The following ZNF721 variants were observed in gnomAD, a reference collection of about 807,000 sequenced individuals.
ZNF721 encodes zinc finger protein 721.
ZNF721 carries 2 observed loss-of-function variants against 2.4 expected under a neutral mutation model. The ratio of observed to expected loss-of-function variants is 0.82; its 90% CI spans 0.34 to 2.58. The LOEUF (loss-of-function observed/expected upper bound fraction) is 2.58, where lower values mean the gene tolerates loss of function less well. ZNF721 is among the 30% of genes most tolerant of loss of function. ZNF721 has a pLI of 0.11. For synonymous variants in ZNF721, 398 were observed against 381.8 expected (o/e 1.04, Z -0.50); for missense variants, 1,187 against 1,085.5 (o/e 1.09, Z -1.31).
In ZNF721 at chr4:498,959, C is replaced by G. The variant is rs139788885; in HGVS notation, c.-94+97G>C. 8,479 of 237,316 alleles carry G rather than the reference C, an allele frequency of 0.036. 230 individuals are homozygous for G. The highest frequency in any genetic ancestry group is 0.083 in the African/African-American group (3,524 of 42,470). 14.7% of individuals were successfully genotyped at this position (237,316 alleles called of 1,614,324 possible). A position where few individuals can be genotyped will look rare whatever the true frequency, so the allele number is the denominator to read the frequency against. On this transcript the variant is annotated intron_variant, in intron 1 of 2. Transcript: ENST00000511833. ...CAGGATAGTCTCGATCTCCTGACCT[C>G]GTGATCCGCCCGCCTCGGCCTCCCA... is the stretch of plus-strand genomic sequence containing the variant.
At chr4:462,087 T>A (rs782066356) in intron 2 of ZNF721, among the ~76,000 whole-genome samples, 1 of 152,092 alleles carries the variant, frequency 6.6e-6, no homozygotes, top group Non-Finnish European at 1.5e-5. Context: ...TTTGTAAAAA[T>A]CACAACATTC....
At chr4:456,384 T>C (rs1276610459) in intron 2 of ZNF721, among the ~76,000 whole-genome samples, 2 of 151,850 alleles carry the variant, frequency 1.3e-5, no homozygotes, top group African/African-American at 4.9e-5. Context: ...AAAAAAATAA[T>C]TTATAAACCA....
At chr4:465,728 C>T (rs1715226812) in intron 2 of ZNF721, among the ~76,000 whole-genome samples, 1 of 151,524 alleles carries the variant, frequency 6.6e-6, no homozygotes, top group Admixed American at 6.6e-5. Context: ...GCCACTGTGC[C>T]TGGCCAAGCT....
intron 1 of ZNF721, among the ~76,000 whole-genome samples, chr4:493,955 T>C (rs996696844): frequency 2.0e-5 from 3 of 152,194 alleles, no homozygotes; most frequent in Admixed American, 6.5e-5. Flanking sequence ...TAATATTACT[T>C]TGCCAATAAT....
intron 1 of ZNF721, among the ~76,000 whole-genome samples, chr4:475,170 G>A (rs551082254): frequency 6.6e-6 from 1 of 151,662 alleles, no homozygotes; most frequent in African/African-American, 2.4e-5. Flanking sequence ...CTGGGTGACA[G>A]AGCCAGACTC....
chr4:488,694 G>A (rs1169233969), intron 1 of ZNF721, among the ~76,000 whole-genome samples: 4 of 152,058 alleles, frequency 2.6e-5, no homozygotes, highest in African/African-American at 9.7e-5. Context: ...GCTGGGTGTG[G>A]TGGTACACAC....
chr4:464,100 T>C (rs888320274), intron 2 of ZNF721, among the ~76,000 whole-genome samples: 6 of 152,142 alleles, frequency 3.9e-5, no homozygotes, highest in African/African-American at 9.7e-5. Context: ...AAGCACACAA[T>C]AGTAGAACTA....
chr4:476,256 G>A (rs1715620835), intron 1 of ZNF721, among the ~76,000 whole-genome samples: 1 of 152,102 alleles, frequency 6.6e-6, no homozygotes. Context: ...AAGAAAATAG[G>A]ACCCATTGTC....
intron 1 of ZNF721, among the ~76,000 whole-genome samples, chr4:488,815 C>T (rs1438504573): frequency 2.6e-5 from 4 of 151,518 alleles, no homozygotes; most frequent in Middle Eastern, 6.9e-3. Flanking sequence ...GGCAACAGAG[C>T]GATACTCCAT....
chr4:474,217 C>G (rs1715563169), intron 1 of ZNF721: 2 of 393,800 alleles, frequency 5.1e-6, no homozygotes, highest in Non-Finnish European at 9.7e-6. Flanking sequence ...AGTTCTCAGT[C>G]AAGCGCTCTG....
intron 2 of ZNF721, among the ~76,000 whole-genome samples, chr4:467,941 C>T (rs1368633755): frequency 6.6e-6 from 1 of 151,004 alleles, no homozygotes; most frequent in Non-Finnish European, 1.5e-5. Flanking sequence ...TCAAGACCAG[C>T]CTGGCTAACA....
At chr4:450,262 G>C (rs1576954781) in intron 2 of ZNF721, among the ~76,000 whole-genome samples, 1 of 149,762 alleles carries the variant, frequency 6.7e-6, no homozygotes, top group East Asian at 1.9e-4. Context: ...CCAAGATATG[G>C]AATCAATCCA....
At chr4:482,292 C>A (rs375557147) in intron 1 of ZNF721, among the ~76,000 whole-genome samples, 2 of 151,856 alleles carry the variant, frequency 1.3e-5, no homozygotes, top group East Asian at 1.9e-4. Context: ...ACCTCCTGAG[C>A]CACTAGGATT....
Position 442,125 on chromosome 4 carries a change from T to G in ZNF721, c.2342A>C (p.Tyr781Ser). 3.1e-6 allele frequency: 5 copies of G among 1,613,764 alleles called. No individual in the cohort carries two copies. The highest frequency in any genetic ancestry group is 4.2e-6 in the Non-Finnish European group (5 of 1,179,756). ...HEKIHTGKKP[Y>S]KCKECGKVIT... ...GACTTTGCCACATTCCTTACATTTG[T>G]AGGGTTTCTTTCCAGTATGAATTTT... The change falls in exon 3 of 3, where the codon TAC (tyrosine) becomes TCC (serine). Residue 781 changes from tyrosine to serine, a missense_variant. Transcript: ENST00000511833.
At chr4:445,709 CAG>C (rs1164140107) in intron 2 of ZNF721, among the ~76,000 whole-genome samples, 1 of 151,820 alleles carries the variant, frequency 6.6e-6, no homozygotes, top group East Asian at 1.9e-4. Context: ...AATAATGACT[CAG>C]AAATTTTCAG....
chr4:485,748 G>C (rs1260400010), intron 1 of ZNF721, among the ~76,000 whole-genome samples: 1 of 152,142 alleles, frequency 6.6e-6, no homozygotes. Flanking sequence ...GGCCGAGGCG[G>C]GCGGATCATG....
chr4:450,840 G>C (rs1197870839), intron 2 of ZNF721, among the ~76,000 whole-genome samples: 1 of 150,348 alleles, frequency 6.7e-6, no homozygotes, highest in Non-Finnish European at 1.5e-5. Context: ...GGGAGGCTGA[G>C]GAAGGAGAAT....
intron 2 of ZNF721, among the ~76,000 whole-genome samples, chr4:463,099 A>G (rs1446236868): frequency 3.9e-5 from 6 of 152,248 alleles, no homozygotes; most frequent in Non-Finnish European, 8.8e-5. Context: ...GGCAAAGGAT[A>G]TGAACAGACA....
chr4:489,152 C>T (rs190537480), intron 1 of ZNF721, among the ~76,000 whole-genome samples: 96 of 152,266 alleles, frequency 6.3e-4, no homozygotes, highest in African/African-American at 1.6e-3. Flanking sequence ...TTCCACCCGC[C>T]GTGGGTTTCC....
Sources: gnomAD v4.1 joint callset for allele counts (sites outside exome capture counted in the v4.1 genomes callset) on GRCh38, gnomAD v4.1.1 for gene constraint, MANE v1.5 for transcripts, NCBI Gene and HGNC (gene_info 2026-07-23, HGNC 2026-07-21) for gene names.